Variants in VAV3 observed in about 807,000 individuals in gnomAD.
VAV3 encodes the protein guanine nucleotide exchange factor VAV3.
A neutral mutation model predicts 131.2 loss-of-function variants in VAV3; 94 were observed. The observed-to-expected ratio is 0.72, with a 90% CI of 0.61 to 0.85. The LOEUF (loss-of-function observed/expected upper bound fraction) is 0.85, where lower values mean the gene tolerates loss of function less well. Ranked by LOEUF, VAV3 falls within the 40% of genes least tolerant of loss-of-function variation. VAV3 has a pLI of 0.00. For missense variants in VAV3, 939 were observed against 1,002.7 expected (o/e 0.94, Z 0.86); for synonymous variants, 349 against 342.0 (o/e 1.02, Z -0.22).
intron 25 of VAV3, among the ~76,000 whole-genome samples, chr1:107,591,158 T>A (rs1377862550): frequency 6.6e-6 from 1 of 152,136 alleles, no homozygotes; most frequent in Non-Finnish European, 1.5e-5. Flanking sequence ...CTCTTGTAGA[T>A]CCTTTAAGTT....
chr1:107,711,412 AT>A (rs967986608), intron 15 of VAV3, among the ~76,000 whole-genome samples: 18 of 152,106 alleles, frequency 1.2e-4, no homozygotes, highest in Middle Eastern at 3.4e-3. Context: ...TATAAATCAC[AT>A]TTTTTTTAAG....
chr1:107,612,294 G>A (rs1230409578), intron 21 of VAV3, among the ~76,000 whole-genome samples: 1 of 151,810 alleles, frequency 6.6e-6, no homozygotes, highest in Non-Finnish European at 1.5e-5. Flanking sequence ...GTGTTTGTTT[G>A]AATAAACTAT....
intron 19 of VAV3, among the ~76,000 whole-genome samples, chr1:107,673,085 G>A (rs1386757164): frequency 1.3e-5 from 2 of 152,174 alleles, no homozygotes; most frequent in African/African-American, 4.8e-5. Flanking sequence ...TTCATGCACA[G>A]ATGTTCCTCA....
intron 19 of VAV3, among the ~76,000 whole-genome samples, chr1:107,647,492 T>C (rs547036626): frequency 3.9e-4 from 60 of 152,014 alleles, no homozygotes; most frequent in South Asian, 1.2e-3. Flanking sequence ...AGTCAGTCCA[T>C]GGAATAGACA....
chr1:107,875,261 CAA>C (rs1670439717), intron 1 of VAV3, among the ~76,000 whole-genome samples: 1 of 152,042 alleles, frequency 6.6e-6, no homozygotes, highest in Non-Finnish European at 1.5e-5. Flanking sequence ...AAAAGACAGA[CAA>C]AACAGACAAA....
intron 2 of VAV3, among the ~76,000 whole-genome samples, chr1:107,838,334 C>G (rs12122740): frequency 6.6e-6 from 1 of 152,134 alleles, no homozygotes; most frequent in Non-Finnish European, 1.5e-5. Flanking sequence ...ACACACAAGT[C>G]TCCAACAAAC....
chr1:107,663,555 G>A (rs1657193582), intron 19 of VAV3, among the ~76,000 whole-genome samples: 1 of 152,120 alleles, frequency 6.6e-6, no homozygotes. Context: ...CTAGAAGAAT[G>A]TAATAAGCAG....
At chr1:107,719,272 C>G (rs1313595031) in intron 15 of VAV3, among the ~76,000 whole-genome samples, 1 of 152,126 alleles carries the variant, frequency 6.6e-6, no homozygotes, top group East Asian at 1.9e-4. Flanking sequence ...GAACAGGTAA[C>G]CTACAGAATG....
intron 2 of VAV3, among the ~76,000 whole-genome samples, chr1:107,858,967 T>C (rs963366144): frequency 1.3e-5 from 2 of 152,162 alleles, no homozygotes; most frequent in Non-Finnish European, 2.9e-5. Context: ...CTAAATAATT[T>C]GGGGTTTGGG....
rs373737009 is a variant in VAV3, at chr1:107,952,485, TACAC to T, written c.204+12177_204+12180del. On this transcript the variant is annotated intron_variant, in intron 1 of 26. Coordinates refer to ENST00000370056, the MANE Select transcript of VAV3 (RefSeq NM_006113.5). ...ACAAAACTTTATATATATATATATA[TACAC>T]ACATAAATTCAACCTAAAAAAAGAA... Among the ~76,000 whole-genome samples the T allele has an allele frequency of 3.3e-4, 31 of 94,450 alleles. 1 individual carries two copies. Among genetic ancestry groups the T allele is most frequent in the African/African-American group, 5.1e-4 (14 of 27,634 alleles). The allele number at this position is 94,450 out of a possible 152,430, so 62.0% of individuals were successfully genotyped here.
chr1:107,657,288 C>T (rs1168266156), intron 19 of VAV3, among the ~76,000 whole-genome samples: 1 of 152,110 alleles, frequency 6.6e-6, no homozygotes, highest in African/African-American at 2.4e-5. Context: ...AAGACTTCAG[C>T]TTATGAAACA....
intron 21 of VAV3, among the ~76,000 whole-genome samples, chr1:107,614,289 T>C (rs1051992319): frequency 6.6e-6 from 1 of 152,066 alleles, no homozygotes; most frequent in Non-Finnish European, 1.5e-5. Flanking sequence ...TCAGAATTTT[T>C]GAGGAGATGG....
At position 107,591,468 on chromosome 1, in the gene VAV3, T is replaced by C. The variant is rs184569876; in HGVS notation, c.2350+4744A>G. 7.2e-5 allele frequency among the ~76,000 whole-genome samples: 11 copies of C among 152,250 alleles called. No homozygotes were observed. The East Asian group carries it at 2.1e-3, about 29-fold the overall frequency. Reference sequence around the variant, plus strand: ...GAATGAATGAATGAAGCAAATCCAATGAGGTCACAGGTAAGGAACGGATGG... The same window carrying C: ...GAATGAATGAATGAAGCAAATCCAACGAGGTCACAGGTAAGGAACGGATGG... On this transcript the variant is annotated intron_variant, in intron 25 of 26. Coordinates refer to ENST00000370056, the MANE Select transcript of VAV3 (RefSeq NM_006113.5).
chr1:107,819,146 C>T (rs1332199845), intron 2 of VAV3, among the ~76,000 whole-genome samples: 1 of 152,082 alleles, frequency 6.6e-6, no homozygotes, highest in Non-Finnish European at 1.5e-5. Context: ...TCCAGGAAAC[C>T]AAGTATTTTG....
At chr1:107,602,996 C>A in intron 23 of VAV3, 51 bp downstream of exon 23, 1 of 1,459,240 alleles carries the variant, frequency 6.9e-7, no homozygotes, top group Non-Finnish European at 9.6e-7. Context: ...ATGGTCTATG[C>A]AATTATGAAA....
intron 20 of VAV3, among the ~76,000 whole-genome samples, chr1:107,619,011 T>G (rs1653377845): frequency 6.6e-6 from 1 of 151,994 alleles, no homozygotes; most frequent in African/African-American, 2.4e-5. Flanking sequence ...GATCCCATGG[T>G]AAGGAAAGGA....
intron 2 of VAV3, among the ~76,000 whole-genome samples, chr1:107,865,472 C>T (rs915183844): frequency 5.3e-5 from 8 of 152,146 alleles, no homozygotes; most frequent in African/African-American, 1.9e-4. Flanking sequence ...AAAGAAAAGG[C>T]ATTCCAGGCA....
At chr1:107,658,460 A>G (rs1656749068) in intron 19 of VAV3, among the ~76,000 whole-genome samples, 3 of 152,116 alleles carry the variant, frequency 2.0e-5, no homozygotes. Flanking sequence ...TTGGGTATAT[A>G]CCCAGTAATG....
In VAV3 at chr1:107,600,518, G is replaced by A. The variant is rs536446492; in HGVS notation, c.2220+1879C>T. Reference sequence around the variant, plus strand: ...TGCACGTGTCTCTAATAGTGGCATTGCTGAGATTTTATACATAACATATAA... The same window carrying A: ...TGCACGTGTCTCTAATAGTGGCATTACTGAGATTTTATACATAACATATAA... On this transcript the variant is annotated intron_variant, in intron 24 of 26. Coordinates refer to ENST00000370056, the MANE Select transcript of VAV3 (RefSeq NM_006113.5). 4.6e-5 allele frequency among the ~76,000 whole-genome samples: 7 copies of A among 152,294 alleles called. No individual in the cohort carries two copies. The South Asian group carries it at 1.5e-3, about 32-fold the overall frequency.
Sources: allele counts gnomAD v4.1 joint callset (sites outside exome capture counted in the v4.1 genomes callset), GRCh38; gene constraint gnomAD v4.1.1; transcripts MANE v1.5; gene names NCBI Gene and HGNC (gene_info 2026-07-23, HGNC 2026-07-21).